Variants in NRP1 observed in about 807,000 individuals in gnomAD.
NRP1 encodes neuropilin-1.
In NRP1, 35 loss-of-function variants were observed where a neutral mutation model predicts 106.7. That is an observed-to-expected ratio of 0.33 (90% CI 0.25 to 0.43). The LOEUF (loss-of-function observed/expected upper bound fraction) is 0.43, where lower values mean the gene tolerates loss of function less well. NRP1 is among the 20% of genes least tolerant of loss of function. The pLI, the probability that NRP1 is intolerant of heterozygous loss-of-function variation, is 1.00. For synonymous variants in NRP1, 437 were observed against 417.9 expected, an observed-to-expected ratio of 1.05 and a Z score of -0.56; for missense variants, 1,024 against 1,170.4, an observed-to-expected ratio of 0.87 and a Z score of 1.83.
intron 6 of NRP1, among the ~76,000 whole-genome samples, chr10:33,240,272 T>C (rs549015168): frequency 8.5e-5 from 13 of 152,326 alleles, no homozygotes; most frequent in African/African-American, 3.1e-4. Flanking sequence ...TAGGAAAGTA[T>C]TAAATAGCAT....
In NRP1 at chr10:33,185,669, T is replaced by C; in HGVS notation, c.2390A>G (p.Asp797Gly). Reference protein sequence around the residue: ...KGNLGGIAVDDISINNHISQE... With the variant: ...KGNLGGIAVDGISINNHISQE... ...TGAAATGTGGTTATTAATACTAATGTCATCCACAGCAATCCCACCAAGGTT... is the reference window on the plus strand; with the variant it reads ...TGAAATGTGGTTATTAATACTAATGCCATCCACAGCAATCCCACCAAGGTT... The change falls in exon 15 of 17, where the codon GAC (aspartate) becomes GGC (glycine). Residue 797 changes from aspartate to glycine, a missense_variant. Asp to Gly is a moderately conservative substitution (Grantham distance 94). Around this residue, in one of 5 missense-constraint regions of NRP1, gnomAD observed 164 missense variants for 161.4 expected, o/e 1.02. Coordinates refer to ENST00000374867, the MANE Select transcript of NRP1 (RefSeq NM_003873.7). 1 of 1,614,144 alleles carries C rather than the reference T, an allele frequency of 6.2e-7. No homozygotes were observed. The highest frequency in any genetic ancestry group is 1.1e-5 in the South Asian group (1 of 91,076).
At chr10:33,298,719 A>G (rs1845590460) in intron 2 of NRP1, among the ~76,000 whole-genome samples, 3 of 151,892 alleles carry the variant, frequency 2.0e-5, no homozygotes, top group Admixed American at 2.0e-4. Context: ...TCATCTTTTT[A>G]TACTTAGTTT....
chr10:33,328,440 A>G (rs1401454990), intron 2 of NRP1, among the ~76,000 whole-genome samples: 4 of 152,172 alleles, frequency 2.6e-5, no homozygotes, highest in Non-Finnish European at 5.9e-5. Flanking sequence ...TATTTCCCTG[A>G]CCATGAAAAG....
At chr10:33,201,645 T>C (rs1837317091) in intron 11 of NRP1, 1 of 152,220 alleles carries the variant, frequency 6.6e-6, no homozygotes, top group South Asian at 2.1e-4. Context: ...GGCTTGTGGC[T>C]GCTTGTATAC....
At chr10:33,223,315 C>T (rs945105069) in intron 7 of NRP1, among the ~76,000 whole-genome samples, 3 of 152,114 alleles carry the variant, frequency 2.0e-5, no homozygotes, top group Non-Finnish European at 4.4e-5. Flanking sequence ...TAAAGGTGGT[C>T]AAATGCTTTA....
intron 15 of NRP1, among the ~76,000 whole-genome samples, chr10:33,183,321 A>T (rs2132579405): frequency 6.6e-6 from 1 of 151,756 alleles, no homozygotes; most frequent in South Asian, 2.1e-4. Context: ...AAGCAAAAAC[A>T]ACAACAACAA....
At chr10:33,309,284 C>G (rs1036531066) in intron 2 of NRP1, among the ~76,000 whole-genome samples, 1 of 152,206 alleles carries the variant, frequency 6.6e-6, no homozygotes, top group African/African-American at 2.4e-5. Context: ...TATTTGCCCT[C>G]TGTGAGAGGG....
chr10:33,292,428 T>C (rs570037261), intron 2 of NRP1, among the ~76,000 whole-genome samples: 2 of 152,326 alleles, frequency 1.3e-5, no homozygotes, highest in South Asian at 4.1e-4. Flanking sequence ...CAAAGTGGTT[T>C]TTAAAATCTT....
At chr10:33,205,125 C>T (rs1319135064) in intron 10 of NRP1, among the ~76,000 whole-genome samples, 1 of 152,176 alleles carries the variant, frequency 6.6e-6, no homozygotes, top group Non-Finnish European at 1.5e-5. Flanking sequence ...TCCTGCATTC[C>T]CTTAGGTGTC....
chr10:33,324,400 A>G (rs893297454), intron 2 of NRP1, among the ~76,000 whole-genome samples: 2 of 152,222 alleles, frequency 1.3e-5, no homozygotes, highest in African/African-American at 4.8e-5. Context: ...AAATAAAAAG[A>G]TGAAGAAAAA....
intron 2 of NRP1, among the ~76,000 whole-genome samples, chr10:33,330,027 G>C (rs919861066): frequency 1.4e-4 from 22 of 152,206 alleles, no homozygotes; most frequent in Non-Finnish European, 2.4e-4. Flanking sequence ...AATAGAAAGA[G>C]ATAGCAAGAC....
chr10:33,241,359 C>T (rs760610525), intron 6 of NRP1, among the ~76,000 whole-genome samples: 3 of 152,076 alleles, frequency 2.0e-5, no homozygotes, highest in Non-Finnish European at 4.4e-5. Flanking sequence ...AAAAATCTAT[C>T]GATACTAATC....
intron 6 of NRP1, among the ~76,000 whole-genome samples, chr10:33,233,792 A>G (rs1298614089): frequency 6.6e-6 from 1 of 152,204 alleles, no homozygotes; most frequent in African/African-American, 2.4e-5. Context: ...TCTTTGGGGC[A>G]TCTCTGATGA....
At chr10:33,246,100 A>T (rs1165348269) in intron 6 of NRP1, among the ~76,000 whole-genome samples, 1 of 151,800 alleles carries the variant, frequency 6.6e-6, no homozygotes, top group African/African-American at 2.4e-5. Flanking sequence ...ACTTGACCAA[A>T]ATGGTCAAAA....
At chr10:33,252,996 GTT>G (rs35881919) in intron 6 of NRP1, among the ~76,000 whole-genome samples, 6 of 144,894 alleles carry the variant, frequency 4.1e-5, no homozygotes, top group Admixed American at 1.4e-4. Context: ...TCATCTTGTG[GTT>G]TTTTTTTTTT....
intron 4 of NRP1, among the ~76,000 whole-genome samples, chr10:33,261,432 C>A (rs1292977310): frequency 1.3e-5 from 2 of 152,136 alleles, no homozygotes; most frequent in Admixed American, 6.5e-5. Context: ...ACTATTGTTA[C>A]AATATTATTA....
At chr10:33,197,050 G>A (rs900818036) in intron 12 of NRP1, among the ~76,000 whole-genome samples, 1 of 152,160 alleles carries the variant, frequency 6.6e-6, no homozygotes, top group African/African-American at 2.4e-5. Flanking sequence ...GAAGGCCACC[G>A]TTTAACCGTG....
chr10:33,252,702 G>A (rs1841951717), intron 6 of NRP1, among the ~76,000 whole-genome samples: 1 of 151,882 alleles, frequency 6.6e-6, no homozygotes, highest in African/African-American at 2.4e-5. Context: ...GTTTGGGGAT[G>A]TGGGAAAACA....
At chr10:33,314,315 G>A (rs77518180) in intron 2 of NRP1, among the ~76,000 whole-genome samples, 4,496 of 152,254 alleles carry the variant, frequency 0.03, 112 homozygotes, top group Non-Finnish European at 0.046. Flanking sequence ...CTGGCCTCAC[G>A]CCATCCTCCC....
Sources: allele counts gnomAD v4.1 joint callset (sites outside exome capture counted in the v4.1 genomes callset), GRCh38; gene constraint gnomAD v4.1.1; regional missense constraint gnomAD v4.1.1; transcripts MANE v1.5; gene names NCBI Gene and HGNC (gene_info 2026-07-23, HGNC 2026-07-21).